The following RAB6A variants were observed in gnomAD, a reference collection of about 807,000 sequenced individuals.
RAB6A encodes the protein ras-related protein Rab-6A.
In RAB6A, 8 loss-of-function variants were observed where a neutral mutation model predicts 32.3. The observed-to-expected ratio is 0.25, with a 90% CI of 0.15 to 0.45. The LOEUF (loss-of-function observed/expected upper bound fraction) is 0.45, where lower values mean the gene tolerates loss of function less well. Among genes scored for constraint, RAB6A ranks in the 20% least tolerant of loss-of-function variants. The probability of loss-of-function intolerance (pLI) is 1.00; values close to 1 mark genes in which losing one functional copy is unlikely to be tolerated. For missense variants in RAB6A, 104 were observed against 249.4 expected, an observed-to-expected ratio of 0.42 and a Z score of 3.93; for synonymous variants, 73 against 82.1, an observed-to-expected ratio of 0.89 and a Z score of 0.60.
intron 3 of RAB6A, 97 bp downstream of exon 3, chr11:73,720,749 G>T: frequency 1.0e-6 from 1 of 955,940 alleles, no homozygotes; most frequent in Non-Finnish European, 1.6e-6. Context: ...TGGTAACTTT[G>T]CTAAGTACTT....
intron 1 of RAB6A, among the ~76,000 whole-genome samples, chr11:73,737,125 T>C (rs889713837): frequency 6.6e-6 from 1 of 152,076 alleles, no homozygotes; most frequent in Non-Finnish European, 1.5e-5. Context: ...CTAAAAGATA[T>C]CCAGAAAATG....
At chr11:73,691,851 T>C (rs1945569792) in intron 6 of RAB6A, among the ~76,000 whole-genome samples, 1 of 152,098 alleles carries the variant, frequency 6.6e-6, no homozygotes, top group African/African-American at 2.4e-5. Flanking sequence ...CTTGCGCCTG[T>C]AGTCCCAGCT....
intron 1 of RAB6A, among the ~76,000 whole-genome samples, chr11:73,731,680 G>A (rs1227438234): frequency 2.0e-5 from 2 of 98,128 alleles, no homozygotes; most frequent in Non-Finnish European, 3.9e-5. Context: ...TAGATAGATA[G>A]ATATTATATA....
At chr11:73,694,236 G>A (rs538557412) in intron 6 of RAB6A, among the ~76,000 whole-genome samples, 42 of 152,170 alleles carry the variant, frequency 2.8e-4, no homozygotes, top group Non-Finnish European at 4.3e-4. Context: ...TCAAATCAAA[G>A]AAGGGAAGAA....
chr11:73,727,266 A>AT (rs942770850), intron 2 of RAB6A, among the ~76,000 whole-genome samples: 1 of 151,622 alleles, frequency 6.6e-6, no homozygotes, highest in Admixed American at 6.6e-5. Flanking sequence ...TACAAAAAAA[A>AT]TTTTTTTTAA....
intron 6 of RAB6A, among the ~76,000 whole-genome samples, chr11:73,701,132 G>T (rs2134905680): frequency 6.6e-6 from 1 of 152,272 alleles, no homozygotes; most frequent in African/African-American, 2.4e-5. Context: ...TAGATTAGCA[G>T]AAAGCTAGGA....
chr11:73,680,234 A>C (rs919907190), intron 6 of RAB6A, among the ~76,000 whole-genome samples: 17 of 152,266 alleles, frequency 1.1e-4, no homozygotes, highest in African/African-American at 3.9e-4. Context: ...GGATAAGACA[A>C]AAGTAAACAG....
Position 73,716,369 on chromosome 11 carries a change from T to C in RAB6A, c.290-7A>G, listed in dbSNP as rs1453004103. Reference sequence around the variant, plus strand: ...TGCTGGAATGAGTTAACATCTAGTATAGGAGGGTAGACAGAGAGATTAGTG... The same window carrying C: ...TGCTGGAATGAGTTAACATCTAGTACAGGAGGGTAGACAGAGAGATTAGTG... On this transcript the variant is annotated splice_polypyrimidine_tract_variant and splice_region_variant and intron_variant, in intron 4 of 7. Transcript: ENST00000336083. The C allele has an allele frequency of 2.8e-5, 45 of 1,594,906 alleles. No homozygotes were observed. Among genetic ancestry groups the C allele is most frequent in the Non-Finnish European group, 3.4e-5 (40 of 1,162,970 alleles).
intron 1 of RAB6A, among the ~76,000 whole-genome samples, chr11:73,734,786 T>G (rs1377482617): frequency 3.3e-5 from 5 of 151,976 alleles, no homozygotes; most frequent in Admixed American, 3.3e-4. Flanking sequence ...TAATCTAAAA[T>G]CTAGGAGAAA....
intron 1 of RAB6A, among the ~76,000 whole-genome samples, chr11:73,738,134 G>A (rs893351089): frequency 6.6e-6 from 1 of 151,896 alleles, no homozygotes; most frequent in African/African-American, 2.4e-5. Flanking sequence ...GGTGATGGTT[G>A]TACTAAATGT....
chr11:73,691,146 TAA>T (rs1158065072), intron 6 of RAB6A, among the ~76,000 whole-genome samples: 3 of 152,076 alleles, frequency 2.0e-5, no homozygotes, highest in African/African-American at 7.2e-5. Flanking sequence ...AGGCCACTGT[TAA>T]TGAAGGTCCA....
At chr11:73,720,211 G>A (rs1472772679) in intron 3 of RAB6A, among the ~76,000 whole-genome samples, 3 of 126,682 alleles carry the variant, frequency 2.4e-5, no homozygotes, top group Admixed American at 9.4e-5. Flanking sequence ...ACGGAGTTTC[G>A]CTCTTGTTGC....
At chr11:73,720,767 T>C (rs1946123947) in intron 3 of RAB6A, 79 bp downstream of exon 3, 2 of 1,113,272 alleles carry the variant, frequency 1.8e-6, no homozygotes, top group African/African-American at 3.1e-5. Flanking sequence ...CTTCTTATGG[T>C]GACAATCATT....
At chr11:73,757,129 ATTTTTTTTTT>A (rs869261713) in intron 1 of RAB6A, among the ~76,000 whole-genome samples, 6 of 30,346 alleles carry the variant, frequency 2.0e-4, no homozygotes, top group Non-Finnish European at 3.0e-4. Context: ...ATATATATAT[ATTTTTTTTTT>A]TTTTTTTTTT....
intron 4 of RAB6A, among the ~76,000 whole-genome samples, chr11:73,716,684 G>A (rs1399594498): frequency 6.6e-6 from 1 of 151,818 alleles, no homozygotes; most frequent in Non-Finnish European, 1.5e-5. Flanking sequence ...CAGATAATAT[G>A]GTGTCACATT....
intron 2 of RAB6A, among the ~76,000 whole-genome samples, chr11:73,724,677 G>A (rs556363562): frequency 4.6e-5 from 7 of 151,960 alleles, no homozygotes; most frequent in East Asian, 1.9e-4. Flanking sequence ...TAGTAGAGAC[G>A]GGGTTTCACC....
At chr11:73,703,799 G>A (rs1255258605) in intron 6 of RAB6A, among the ~76,000 whole-genome samples, 7 of 151,876 alleles carry the variant, frequency 4.6e-5, no homozygotes, top group African/African-American at 1.5e-4. Flanking sequence ...GCTGGGCGCC[G>A]TGGCTCACGC....
intron 6 of RAB6A, among the ~76,000 whole-genome samples, chr11:73,697,167 T>G (rs1265195698): frequency 6.6e-6 from 1 of 152,160 alleles, no homozygotes; most frequent in Non-Finnish European, 1.5e-5. Context: ...GGCATGCTCT[T>G]CCCTGGATGT....
chr11:73,678,854 T>C (rs758178625), intron 7 of RAB6A, among the ~76,000 whole-genome samples: 3 of 151,060 alleles, frequency 2.0e-5, no homozygotes, highest in Admixed American at 6.6e-5. Flanking sequence ...ACCTCCTTAG[T>C]AGCTGGGATT....
Sources: gnomAD v4.1 joint callset for allele counts (sites outside exome capture counted in the v4.1 genomes callset) on GRCh38, gnomAD v4.1.1 for gene constraint, MANE v1.5 for transcripts, NCBI Gene and HGNC (gene_info 2026-07-23, HGNC 2026-07-21) for gene names.